TSHZ2: variants seen among roughly 807,000 people sequenced by gnomAD.
TSHZ2 encodes the protein teashirt zinc finger homeobox 2.
In TSHZ2, 21 loss-of-function variants were observed where a neutral mutation model predicts 74.4. That is an observed-to-expected ratio of 0.28 (90% CI 0.20 to 0.41). The LOEUF (loss-of-function observed/expected upper bound fraction) is 0.41, where lower values mean the gene tolerates loss of function less well. Among genes scored for constraint, TSHZ2 ranks in the 10% least tolerant of loss-of-function variants. The pLI, the probability that TSHZ2 is intolerant of heterozygous loss-of-function variation, is 1.00. For missense variants in TSHZ2, 1,244 were observed against 1,293.5 expected (o/e 0.96, Z 0.59); for synonymous variants, 540 against 515.3 (o/e 1.05, Z -0.65).
At chr20:53,428,615 T>G (rs948485147) in intron 2 of TSHZ2, among the ~76,000 whole-genome samples, 1 of 152,228 alleles carries the variant, frequency 6.6e-6, no homozygotes, top group Admixed American at 6.5e-5. Flanking sequence ...CATTACACTT[T>G]AATTTTCTGA....
intron 1 of TSHZ2, among the ~76,000 whole-genome samples, chr20:53,203,184 G>A (rs1460441836): frequency 6.8e-6 from 1 of 148,040 alleles, no homozygotes; most frequent in East Asian, 2.1e-4. Context: ...GGTCTGAGCA[G>A]ACTCAAATTT....
intron 1 of TSHZ2, among the ~76,000 whole-genome samples, chr20:53,190,313 G>C (rs1568803675): frequency 6.6e-6 from 1 of 151,048 alleles, no homozygotes; most frequent in Non-Finnish European, 1.5e-5. Context: ...TTGCGAGCTG[G>C]TATCTGAATA....
Position 53,364,450 on chromosome 20 carries a change from T to C in TSHZ2, c.*8+107879T>C, listed in dbSNP as rs568398725. 4.6e-5 allele frequency among the ~76,000 whole-genome samples: 7 copies of C among 152,164 alleles called. No homozygotes were observed. The East Asian group carries it at 1.2e-3, about 25-fold the overall frequency. ...CTGCCCCATGCCTCCCCTGAAGCCA[T>C]CACTTTCTGCCTGAATGACAGGAAG... On this transcript the variant is annotated intron_variant, in intron 2 of 2. Coordinates refer to ENST00000371497, the MANE Select transcript of TSHZ2 (RefSeq NM_173485.6).
intron 2 of TSHZ2, among the ~76,000 whole-genome samples, chr20:53,353,371 A>C (rs1057290882): frequency 1.3e-5 from 2 of 152,220 alleles, no homozygotes; most frequent in Non-Finnish European, 1.5e-5. Flanking sequence ...TGTATTTCTC[A>C]TATGTGTGTA....
intron 1 of TSHZ2, among the ~76,000 whole-genome samples, chr20:53,143,248 C>T (rs1987453665): frequency 6.6e-6 from 1 of 152,164 alleles, no homozygotes; most frequent in Non-Finnish European, 1.5e-5. Flanking sequence ...GAAAATACCA[C>T]GTTTACTAAA....
chr20:53,486,786 C>T (rs534449192), intron 2 of TSHZ2, among the ~76,000 whole-genome samples: 1 of 152,116 alleles, frequency 6.6e-6, no homozygotes, highest in East Asian at 1.9e-4. Context: ...GTATGGATCT[C>T]ATCACCCAGG....
At chr20:53,354,461 A>G (rs1467032279) in intron 2 of TSHZ2, among the ~76,000 whole-genome samples, 1 of 152,260 alleles carries the variant, frequency 6.6e-6, no homozygotes, top group African/African-American at 2.4e-5. Flanking sequence ...TAACTGAAGA[A>G]AGCATTTAAT....
At chr20:53,393,807 G>A (rs1982347502) in intron 2 of TSHZ2, among the ~76,000 whole-genome samples, 1 of 152,132 alleles carries the variant, frequency 6.6e-6, no homozygotes, top group African/African-American at 2.4e-5. Flanking sequence ...GGGAGAAACT[G>A]GGAGGTTACA....
chr20:53,224,915 C>T (rs1568821884), intron 1 of TSHZ2, among the ~76,000 whole-genome samples: 5 of 151,764 alleles, frequency 3.3e-5, no homozygotes, highest in Admixed American at 2.0e-4. Flanking sequence ...TGTACCCTGT[C>T]CCACAAGAAC....
At chr20:53,285,437 G>A (rs1156286753) in intron 2 of TSHZ2, among the ~76,000 whole-genome samples, 1 of 152,178 alleles carries the variant, frequency 6.6e-6, no homozygotes, top group African/African-American at 2.4e-5. Context: ...GGGGCCAGGT[G>A]CGGTGGCTCA....
At chr20:53,367,714 GC>G (rs1490702295) in intron 2 of TSHZ2, among the ~76,000 whole-genome samples, 3 of 151,990 alleles carry the variant, frequency 2.0e-5, no homozygotes, top group Non-Finnish European at 4.4e-5. Context: ...GGGACTACAG[GC>G]GCCTGCCACC....
At chr20:53,310,403 G>A (rs1192896904) in intron 2 of TSHZ2, among the ~76,000 whole-genome samples, 1 of 152,196 alleles carries the variant, frequency 6.6e-6, no homozygotes, top group Admixed American at 6.5e-5. Context: ...GTAGTCTGCT[G>A]CTGTGAAACT....
intron 2 of TSHZ2, among the ~76,000 whole-genome samples, chr20:53,471,906 A>G (rs1259500176): frequency 6.7e-6 from 1 of 150,104 alleles, no homozygotes; most frequent in Non-Finnish European, 1.5e-5. Flanking sequence ...TCCCAGTTCA[A>G]GCGATTCTCC....
intron 2 of TSHZ2, among the ~76,000 whole-genome samples, chr20:53,273,590 A>G (rs1990882790): frequency 6.6e-6 from 1 of 152,122 alleles, no homozygotes; most frequent in African/African-American, 2.4e-5. Context: ...CGCCCAGCCT[A>G]CTTTCATTTT....
At position 53,255,249 on chromosome 20, in the gene TSHZ2, C is replaced by T. The variant is rs1055471325; in HGVS notation, c.1791C>T (p.Tyr597=). Residue 597 remains tyrosine (Y), a synonymous_variant, in exon 2 of 3, where the codon TAC becomes TAT. Coordinates refer to ENST00000371497, the MANE Select transcript of TSHZ2 (RefSeq NM_173485.6). This position sits in a 1 kb window ranked among gnomAD's most constrained non-coding sequence, Gnocchi z 4.1. The stretch of plus-strand genomic sequence containing the variant: ...CTATGCCCACACACCTGGCCCCTTA[C>T]ACTCAAGTCAAGAAAGAGTCAGAAG... ...LVSMPTHLAP[Y]TQVKKESEDK... 6.2e-7 allele frequency: 1 copy of T among 1,614,118 alleles called. No individual in the cohort carries two copies. The highest frequency in any genetic ancestry group is 1.3e-5 in the African/African-American group (1 of 74,936).
intron 2 of TSHZ2, among the ~76,000 whole-genome samples, chr20:53,349,898 T>A (rs999354646): frequency 6.6e-5 from 10 of 152,114 alleles, no homozygotes; most frequent in African/African-American, 2.4e-4. Flanking sequence ...AGAGAAAAAA[T>A]TAAGGTGTCA....
intron 2 of TSHZ2, among the ~76,000 whole-genome samples, chr20:53,301,795 C>A (rs1377538949): frequency 6.6e-6 from 1 of 152,168 alleles, no homozygotes; most frequent in Non-Finnish European, 1.5e-5. Context: ...AAAAAGGAAC[C>A]TTCTATTAGG....
In TSHZ2 at chr20:53,255,157, A is replaced by G. The variant is rs1172019579; in HGVS notation, c.1699A>G (p.Ile567Val). Residue 567 changes from isoleucine to valine, a missense_variant, in exon 2 of 3, where the codon ATC becomes GTC. Ile to Val is a conservative substitution (Grantham distance 29). Coordinates refer to ENST00000371497, the MANE Select transcript of TSHZ2 (RefSeq NM_173485.6). This position sits in a 1 kb window ranked among gnomAD's most constrained non-coding sequence, Gnocchi z 4.1. ...GCCTATGGGATCCCAGGTACTGCAG[A>G]TCCGGCCTAATCTCACCAACAAGCT... The part of the protein sequence containing the change: ...PLPMGSQVLQ[I>V]RPNLTNKLRP... 15 of 1,614,174 alleles carry G rather than the reference A, an allele frequency of 9.3e-6. No individual in the cohort carries two copies. The East Asian group carries it at 2.5e-4, about 26-fold the overall frequency.
intron 2 of TSHZ2, among the ~76,000 whole-genome samples, chr20:53,363,773 A>G (rs555657449): frequency 1.3e-5 from 2 of 152,318 alleles, no homozygotes; most frequent in African/African-American, 4.8e-5. Flanking sequence ...AGATCATACT[A>G]CTGTGCTCCA....
Sources: gnomAD v4.1 joint callset for allele counts (sites outside exome capture counted in the v4.1 genomes callset) on GRCh38, gnomAD v4.1.1 for gene constraint, Gnocchi (gnomAD v3.1) non-coding constraint, MANE v1.5 for transcripts, NCBI Gene and HGNC (gene_info 2026-07-23, HGNC 2026-07-21) for gene names.